Variants in STK3 observed in about 807,000 individuals in gnomAD.
STK3 encodes the protein serine/threonine kinase 3.
STK3 carries 41 observed loss-of-function variants against 58.0 expected under a neutral mutation model. That is an observed-to-expected ratio of 0.71 (90% confidence interval 0.55 to 0.92). The LOEUF is 0.92. Ranked by LOEUF, STK3 falls within the 40% of genes least tolerant of loss-of-function variation. The probability of loss-of-function intolerance (pLI) is 0.00; values close to 1 mark genes in which losing one functional copy is unlikely to be tolerated. For synonymous variants in STK3, 170 were observed against 191.0 expected, an observed-to-expected ratio of 0.89 and a Z score of 0.91; for missense variants, 479 against 602.7, an observed-to-expected ratio of 0.79 and a Z score of 2.15.
intron 3 of STK3, among the ~76,000 whole-genome samples, chr8:98,408,094 A>C (rs1041430889): frequency 6.6e-6 from 1 of 152,144 alleles, no homozygotes; most frequent in Non-Finnish European, 1.5e-5. Context: ...GAGCTTCCAC[A>C]TTTCCTGCTT....
chr8:98,425,030 G>A (rs566954756), intron 3 of STK3, among the ~76,000 whole-genome samples: 12 of 152,310 alleles, frequency 7.9e-5, no homozygotes, highest in African/African-American at 2.4e-4. Flanking sequence ...CCATCACCCC[G>A]CCGAAGGTGT....
chr8:98,934,136 G>A (rs879283711), intron 1 of STK3, among the ~76,000 whole-genome samples: 5 of 152,178 alleles, frequency 3.3e-5, no homozygotes, highest in Non-Finnish European at 7.3e-5. Flanking sequence ...AGCAGTTGCC[G>A]ACCAAGTCTG....
chr8:98,927,634 G>A (rs1260609577), intron 1 of STK3, among the ~76,000 whole-genome samples: 1 of 152,236 alleles, frequency 6.6e-6, no homozygotes, highest in Non-Finnish European at 1.5e-5. Flanking sequence ...CAAAGATAGA[G>A]TAACTTGTCT....
intron 9 of STK3, among the ~76,000 whole-genome samples, chr8:98,540,634 C>G (rs1303071273): frequency 6.6e-6 from 1 of 152,110 alleles, no homozygotes; most frequent in East Asian, 1.9e-4. Flanking sequence ...TTCCGGTAAA[C>G]AATTTATTAT....
At chr8:98,408,183 T>C (rs1482904483) in intron 3 of STK3, among the ~76,000 whole-genome samples, 4 of 151,824 alleles carry the variant, frequency 2.6e-5, no homozygotes, top group Non-Finnish European at 5.9e-5. Flanking sequence ...AAAAAGGGGG[T>C]AGTTTGGAGT....
intron 8 of STK3, among the ~76,000 whole-genome samples, chr8:98,575,052 GT>G (rs1224966240): frequency 1.3e-5 from 2 of 151,910 alleles, no homozygotes; most frequent in African/African-American, 2.4e-5. Flanking sequence ...CATCTCTTTT[GT>G]TTATAGGTCT....
At chr8:98,435,425 A>C (rs1818452482) in intron 2 of STK3, among the ~76,000 whole-genome samples, 1 of 152,248 alleles carries the variant, frequency 6.6e-6, no homozygotes, top group Non-Finnish European at 1.5e-5. Context: ...CCTGAGCTTC[A>C]TTCTTTTGTC....
At chr8:98,739,001 T>G (rs1587471407) in intron 4 of STK3, among the ~76,000 whole-genome samples, 1 of 152,254 alleles carries the variant, frequency 6.6e-6, no homozygotes, top group East Asian at 1.9e-4. Flanking sequence ...AGCACAGCAG[T>G]CTGAGATCAA....
intron 4 of STK3, 111 bp from the exon 5 acceptor site, chr8:98,707,422 T>A: frequency 1.2e-6 from 1 of 804,966 alleles, no homozygotes; most frequent in Non-Finnish European, 1.9e-6. Context: ...GTGTTTTTTT[T>A]TAAGAGACCC....
chr8:98,602,299 G>A (rs1318138843), intron 6 of STK3: 1 of 152,206 alleles, frequency 6.6e-6, no homozygotes, highest in African/African-American at 2.4e-5. Context: ...AGGCGATTAG[G>A]TCATAAGGGC....
At chr8:98,829,679 C>G (rs781352589), upstream of STK3, among the ~76,000 whole-genome samples, 29 of 152,192 alleles carry the variant, frequency 1.9e-4, no homozygotes, top group Non-Finnish European at 3.7e-4. Flanking sequence ...GCCTTTAAGA[C>G]TCCAAAGCTG....
rs895724651 is a variant in STK3 at position 98,810,555 on chromosome 8, G to A, written c.26+14960C>T. The stretch of plus-strand genomic sequence containing the variant: ...CAAGCATCTTTTCATGTGCTTATTG[G>A]CCAATGTATACATTTTCTTTGGAGA... On this transcript the variant is annotated intron_variant, in intron 1 of 10. Coordinates refer to ENST00000419617, the MANE Select transcript of STK3 (RefSeq NM_006281.4). Among the ~76,000 whole-genome samples the A allele has an allele frequency of 2.7e-5, 4 of 148,858 alleles. No individual in the cohort carries two copies. The Admixed American group carries it at 2.7e-4, about 10-fold the overall frequency.
chr8:98,743,437 T>C (rs2131325851), intron 4 of STK3, among the ~76,000 whole-genome samples: 1 of 152,236 alleles, frequency 6.6e-6, no homozygotes, highest in South Asian at 2.1e-4. Flanking sequence ...GCTTCATATC[T>C]ACAACTATCT....
intron 1 of STK3, among the ~76,000 whole-genome samples, chr8:98,896,987 AT>A (rs1838472595): frequency 1.3e-5 from 2 of 150,400 alleles, no homozygotes; most frequent in African/African-American, 2.4e-5. Context: ...AAATAAAAAA[AT>A]AATAACAATA....
intron 6 of STK3, among the ~76,000 whole-genome samples, chr8:98,660,241 G>A (rs1011388463): frequency 6.6e-6 from 1 of 151,982 alleles, no homozygotes; most frequent in Non-Finnish European, 1.5e-5. Flanking sequence ...ACAGAAAGTA[G>A]AATGGTAGTT....
chr8:98,656,003 A>G (rs947186680), intron 6 of STK3, among the ~76,000 whole-genome samples: 8 of 151,942 alleles, frequency 5.3e-5, no homozygotes, highest in Non-Finnish European at 1.0e-4. Context: ...CCAAAGGACT[A>G]TAAATCATGT....
intron 6 of STK3, among the ~76,000 whole-genome samples, chr8:98,664,974 A>G (rs1366309807): frequency 6.6e-6 from 1 of 152,168 alleles, no homozygotes; most frequent in Non-Finnish European, 1.5e-5. Flanking sequence ...ATGGATCCCA[A>G]TTCCTACCCT....
rs546491176 is a variant in STK3, at chr8:98,912,108, G to A, written c.-78-28274C>T. Among the ~76,000 whole-genome samples the A allele has an allele frequency of 2.6e-5, 4 of 152,286 alleles. No individual in the cohort carries two copies. The East Asian group carries it at 5.8e-4, about 22-fold the overall frequency. ...AGAACTTTATCTTGGGCCGGGCACC[G>A]TGGCTCATACCTGTAATTCCAGAAC... On this transcript the variant is annotated intron_variant, in intron 1 of 1. Transcript: ENST00000519420.
intron 6 of STK3, among the ~76,000 whole-genome samples, chr8:98,692,444 TACATAAAAC>T (rs1824479235): frequency 6.6e-6 from 1 of 152,090 alleles, no homozygotes; most frequent in Admixed American, 6.6e-5. Flanking sequence ...AACATTAGGC[TACATAAAAC>T]ACACACACAC....
Sources: allele counts gnomAD v4.1 joint callset (sites outside exome capture counted in the v4.1 genomes callset), GRCh38; gene constraint gnomAD v4.1.1; transcripts MANE v1.5; gene names NCBI Gene and HGNC (gene_info 2026-07-23, HGNC 2026-07-21).